The following COPB2 variants were observed in gnomAD, a reference collection of about 807,000 sequenced individuals.
The protein encoded by COPB2 is coatomer subunit beta'.
A neutral mutation model predicts 120.8 loss-of-function variants in COPB2; 16 were observed. That is an observed-to-expected ratio of 0.13 (90% CI 0.09 to 0.20). COPB2 has a LOEUF of 0.20. Ranked by LOEUF, COPB2 falls within the 10% of genes least tolerant of loss-of-function variation. The pLI is 1.00. For synonymous variants in COPB2, 332 were observed against 366.3 expected (o/e 0.91, Z 1.07); for missense variants, 794 against 1,076.5 (o/e 0.74, Z 3.67).
intron 11 of COPB2, 35 bp from the exon 12 acceptor site, chr3:139,369,402 T>A (rs761408295): frequency 6.2e-7 from 1 of 1,606,336 alleles, no homozygotes; most frequent in Non-Finnish European, 8.5e-7. Flanking sequence ...TGCTTAGGCA[T>A]TTTTGAGCCA....
intron 17 of COPB2, among the ~76,000 whole-genome samples, chr3:139,360,103 C>T (rs1041537174): frequency 5.3e-5 from 8 of 151,190 alleles, no homozygotes; most frequent in African/African-American, 1.9e-4. Context: ...GGAATAGGGT[C>T]TATTCTTACA....
rs1338866585 is a variant in COPB2 at position 139,366,453 on chromosome 3, C to A, written c.1884+115G>T. 4.3e-6 allele frequency: 4 copies of A among 930,410 alleles called. No individual in the cohort carries two copies. The African/African-American group carries it at 6.7e-5, about 16-fold the overall frequency. The allele number at this position is 930,410 out of a possible 1,614,324, so 57.6% of individuals were successfully genotyped here. ...GTGCCTTAAACTCACAGGAGAAATTCTATTGCCACAGGAAATCAGTTGGCA... is the reference window on the plus strand; with the variant it reads ...GTGCCTTAAACTCACAGGAGAAATTATATTGCCACAGGAAATCAGTTGGCA... On this transcript the variant is annotated intron_variant, in intron 15 of 21. Transcript: ENST00000333188.
At chr3:139,387,226 AGAAAGAAG>A (rs1423252827) in intron 1 of COPB2, among the ~76,000 whole-genome samples, 1 of 151,912 alleles carries the variant, frequency 6.6e-6, no homozygotes, top group Non-Finnish European at 1.5e-5. Flanking sequence ...AAAGAAAGAA[AGAAAGAAG>A]GAAAGAAGGA....
At chr3:139,368,983 T>C (rs947880085) in intron 12 of COPB2, among the ~76,000 whole-genome samples, 1 of 152,232 alleles carries the variant, frequency 6.6e-6, no homozygotes, top group African/African-American at 2.4e-5. Flanking sequence ...CTCTGACTTC[T>C]TGTTCTCAAA....
chr3:139,374,117 T>G, intron 7 of COPB2: 2 of 438,474 alleles, frequency 4.6e-6, no homozygotes, highest in South Asian at 3.0e-5. Flanking sequence ...TATAATTTTA[T>G]GAAGCAGATA....
Position 139,373,503 on chromosome 3 carries a change from T to C in COPB2, c.895-91A>G, listed in dbSNP as rs894530970. ...TTATTTTTTTCACCTAACAGAGAGC[T>C]CCATTTCCTTTCTTCCACTTTAAAT... On this transcript the variant is annotated intron_variant, in intron 8 of 21. Transcript: ENST00000333188. The C allele has an allele frequency of 3.3e-6, 5 of 1,518,046 alleles. No homozygotes were observed. The African/African-American group carries it at 5.5e-5, about 17-fold the overall frequency. The allele number at this position is 1,518,046 out of a possible 1,614,324, so 94.0% of individuals were successfully genotyped here.
In COPB2 at chr3:139,369,526, G is replaced by A; in HGVS notation, c.1224C>T (p.Ser408=). The A allele has an allele frequency of 1.2e-6, 2 of 1,609,674 alleles. No individual in the cohort carries two copies. Among genetic ancestry groups the A allele is most frequent in the Non-Finnish European group, 1.7e-6 (2 of 1,177,572 alleles). Residue 408 remains serine, a synonymous_variant, in exon 11 of 22, where the codon AGC becomes AGT. Transcript: ENST00000333188. ...TCTTAAATATCTTTACAATGCTGTTGCTCTCTCTTATTGCATACCTGGGAG... is the reference window on the plus strand; with the variant it reads ...TCTTAAATATCTTTACAATGCTGTTACTCTCTCTTATTGCATACCTGGGAG... The part of the protein sequence containing the change: ...HDSSEYAIRE[S]NSIVKIFKNF...
intron 2 of COPB2, 86 bp downstream of exon 2, chr3:139,383,212 A>C: frequency 1.4e-6 from 2 of 1,478,868 alleles, no homozygotes. Flanking sequence ...TAGATTCTGG[A>C]TTCTGTTATA....
rs2107794093 is a variant in COPB2, at chr3:139,357,744, G to C, written c.*119C>G. The C allele has an allele frequency of 1.9e-6, 1 of 540,086 alleles. No homozygotes were observed. The highest frequency in any genetic ancestry group is 3.1e-5 in the East Asian group (1 of 32,420). The allele number at this position is 540,086 out of a possible 1,614,324, so 33.5% of individuals were successfully genotyped here. A position where few individuals can be genotyped will look rare whatever the true frequency, so the allele number is the denominator to read the frequency against. On this transcript the variant is annotated 3_prime_UTR_variant, in exon 22 of 22. Coordinates refer to ENST00000333188, the MANE Select transcript of COPB2 (RefSeq NM_004766.3). ...GGCATTGTGCTCCCAGTGGTCCACA[G>C]CATTTACATATAAAAATCTAAGAAG... is the stretch of plus-strand genomic sequence containing the variant.
At chr3:139,379,567 A>G in intron 2 of COPB2, 101 bp from the exon 3 acceptor site, 1 of 889,310 alleles carries the variant, frequency 1.1e-6, no homozygotes, top group South Asian at 1.7e-5. Context: ...ATCACTTCTC[A>G]TTTTAGTATA....
chr3:139,389,517 C>T (rs1207985334), intron 1 of COPB2, 31 bp downstream of exon 1: 2 of 1,555,422 alleles, frequency 1.3e-6, no homozygotes, highest in Admixed American at 3.6e-5. Context: ...ACCTATGGGA[C>T]CCCGCTCCCT....
intron 15 of COPB2, among the ~76,000 whole-genome samples, chr3:139,364,340 AAAG>A (rs1286676898): frequency 6.6e-6 from 1 of 152,082 alleles, no homozygotes. Flanking sequence ...ACCTCATGAC[AAAG>A]AAGACAGGTT....
chr3:139,372,018 G>A (rs1941632613), intron 9 of COPB2, among the ~76,000 whole-genome samples, 185 bp from the exon 10 acceptor site: 2 of 152,048 alleles, frequency 1.3e-5, no homozygotes, highest in Admixed American at 6.6e-5. Flanking sequence ...AAAAATTCTA[G>A]CCAACAAATT....
chr3:139,357,776 A>G lies in COPB2; in HGVS notation c.*87T>C, dbSNP rs1043102687. The stretch of plus-strand genomic sequence containing the variant: ...CATATAAAAATCTAAGAAGTTTCTC[A>G]TAGTCCAAAGCACTGTGGTCAGGGT... On this transcript the variant is annotated 3_prime_UTR_variant, in exon 22 of 22. Coordinates refer to ENST00000333188, the MANE Select transcript of COPB2 (RefSeq NM_004766.3). 8.4e-6 allele frequency: 5 copies of G among 597,224 alleles called. No homozygotes were observed. Among genetic ancestry groups the G allele is most frequent in the African/African-American group, 7.7e-5 (4 of 51,872 alleles). The allele number at this position is 597,224 out of a possible 1,614,324, so 37.0% of individuals were successfully genotyped here. A position where few individuals can be genotyped will look rare whatever the true frequency, so the allele number is the denominator to read the frequency against.
chr3:139,359,513 T>C, intron 17 of COPB2, 151 bp from the exon 18 acceptor site: 1 of 679,320 alleles, frequency 1.5e-6, no homozygotes, highest in Non-Finnish European at 2.5e-6. Flanking sequence ...TTAATGGTTG[T>C]TAATCAACAC....
chr3:139,379,266 T>C lies in COPB2; in HGVS notation c.229-93A>G, dbSNP rs548391455. On this transcript the variant is annotated intron_variant, in intron 3 of 21. Transcript: ENST00000333188. ...AGGCTCAAGGAATAAAGTCTATGCC[T>C]CAAAACATTGCTGTAAATAACAAAA... 8 of 1,554,780 alleles carry C rather than the reference T, an allele frequency of 5.1e-6. No homozygotes were observed. The East Asian group carries it at 1.8e-4, about 35-fold the overall frequency.
intron 13 of COPB2, 148 bp from the exon 14 acceptor site, chr3:139,367,293 ATTTT>A (rs200861935): frequency 8.6e-6 from 6 of 693,736 alleles, no homozygotes; most frequent in East Asian, 3.4e-5. Context: ...TTTCCTTGGA[ATTTT>A]TTTTTTTTTT....
intron 13 of COPB2, 146 bp downstream of exon 13, chr3:139,367,999 A>T: frequency 2.5e-6 from 2 of 803,224 alleles, no homozygotes; most frequent in East Asian, 3.1e-5. Context: ...TTACGATTTT[A>T]ATTTTTCACA....
At position 139,361,297 on chromosome 3, in the gene COPB2, TG is replaced by T. The variant is rs765963919; in HGVS notation, c.1996-3del. The T allele has an allele frequency of 6.2e-7, 1 of 1,611,884 alleles. No homozygotes were observed. The highest frequency in any genetic ancestry group is 8.5e-7 in the Non-Finnish European group (1 of 1,178,520). ...AAGTTGTTTCCACTTCTGTTCTGAC[TG>T]TAAGAAAAGAGTTTCCAAGTTAAAA... On this transcript the variant is annotated splice_region_variant and splice_polypyrimidine_tract_variant and intron_variant, in intron 16 of 21. Coordinates refer to ENST00000333188, the MANE Select transcript of COPB2 (RefSeq NM_004766.3).
Sources: allele counts gnomAD v4.1 joint callset (sites outside exome capture counted in the v4.1 genomes callset), GRCh38; gene constraint gnomAD v4.1.1; transcripts MANE v1.5; gene names NCBI Gene and HGNC (gene_info 2026-07-23, HGNC 2026-07-21).